Variants in MED27 observed in about 807,000 individuals in gnomAD.
MED27 encodes the protein mediator complex subunit 27.
In MED27, 30 loss-of-function variants were observed where a neutral mutation model predicts 38.2. That is an observed-to-expected ratio of 0.79 (90% CI 0.59 to 1.07). MED27 has a LOEUF of 1.07. MED27 is among the 50% of genes least tolerant of loss of function. The pLI is 0.00. For missense variants in MED27, 289 were observed against 397.5 expected, an observed-to-expected ratio of 0.73 and a Z score of 2.32; for synonymous variants, 122 against 153.5, an observed-to-expected ratio of 0.79 and a Z score of 1.52.
chr9:131,880,813 A>T (rs1839023007), intron 6 of MED27, among the ~76,000 whole-genome samples: 1 of 152,114 alleles, frequency 6.6e-6, no homozygotes, highest in African/African-American at 2.4e-5. Flanking sequence ...TGTCTTTCTA[A>T]ATCTATGCTT....
intron 2 of MED27, among the ~76,000 whole-genome samples, chr9:132,046,325 C>T (rs376766793): frequency 1.3e-5 from 2 of 151,900 alleles, no homozygotes; most frequent in East Asian, 1.9e-4. Flanking sequence ...ACAATTTTTT[C>T]TAATGCTCAC....
intron 4 of MED27, 44 bp downstream of exon 4, chr9:131,939,337 T>G: frequency 2.9e-6 from 4 of 1,382,110 alleles, no homozygotes; most frequent in Non-Finnish European, 4.0e-6. Flanking sequence ...GTGAAGTCCA[T>G]TTTTTCCCCC....
At chr9:131,869,556 A>G (rs1192496527) in intron 6 of MED27, among the ~76,000 whole-genome samples, 1 of 152,192 alleles carries the variant, frequency 6.6e-6, no homozygotes, top group Non-Finnish European at 1.5e-5. Flanking sequence ...AAGGAGAGGG[A>G]GGCGATTCAC....
At chr9:131,946,826 C>T (rs1296628479) in intron 3 of MED27, among the ~76,000 whole-genome samples, 7 of 152,228 alleles carry the variant, frequency 4.6e-5, no homozygotes, top group Non-Finnish European at 7.3e-5. Flanking sequence ...ATGCTTCCGT[C>T]TTTGAGTTTT....
At chr9:132,034,139 T>G (rs573784009) in intron 2 of MED27, among the ~76,000 whole-genome samples, 1 of 152,314 alleles carries the variant, frequency 6.6e-6, no homozygotes, top group East Asian at 1.9e-4. Context: ...AGAATGTGGC[T>G]TACTGCTCTC....
intron 2 of MED27, among the ~76,000 whole-genome samples, chr9:132,037,839 A>G (rs1833115120): frequency 6.6e-6 from 1 of 152,226 alleles, no homozygotes; most frequent in African/African-American, 2.4e-5. Context: ...GACACACAAC[A>G]TGTCCCGACC....
intron 4 of MED27, among the ~76,000 whole-genome samples, chr9:131,919,254 T>C (rs759719946): frequency 7.2e-5 from 11 of 152,178 alleles, no homozygotes; most frequent in Admixed American, 1.3e-4. Flanking sequence ...GATGGAAGCA[T>C]AGCACATATT....
At chr9:131,983,940 T>G (rs1389674964) in intron 3 of MED27, among the ~76,000 whole-genome samples, 2 of 152,150 alleles carry the variant, frequency 1.3e-5, no homozygotes, top group African/African-American at 4.8e-5. Flanking sequence ...CTCATGCAGC[T>G]CCAACTGATC....
chr9:131,903,141 C>T (rs1213382478), intron 4 of MED27, among the ~76,000 whole-genome samples: 2 of 152,156 alleles, frequency 1.3e-5, no homozygotes, highest in Non-Finnish European at 2.9e-5. Flanking sequence ...GGGCAATGTA[C>T]AAAAGAAAGA....
chr9:131,896,371 T>G (rs1024518568), intron 4 of MED27, among the ~76,000 whole-genome samples: 3 of 152,220 alleles, frequency 2.0e-5, no homozygotes, highest in Non-Finnish European at 4.4e-5. Flanking sequence ...AATTGTTTCC[T>G]GAAACATCAA....
At chr9:131,903,791 G>C (rs1220567587) in intron 4 of MED27, among the ~76,000 whole-genome samples, 1 of 151,996 alleles carries the variant, frequency 6.6e-6, no homozygotes, top group Non-Finnish European at 1.5e-5. Flanking sequence ...GCAGTAGCAT[G>C]ATCTCAGCTC....
At chr9:132,072,334 A>AT (rs557023144) in intron 2 of MED27, among the ~76,000 whole-genome samples, 1 of 152,046 alleles carries the variant, frequency 6.6e-6, no homozygotes, top group Non-Finnish European at 1.5e-5. Flanking sequence ...ACTCAAAAAG[A>AT]TTTTTTTCCC....
rs942659249 is a variant in MED27 at position 131,889,931 on chromosome 9, G to C, written c.681+3954C>G. Among the ~76,000 whole-genome samples, 1 of 152,190 alleles carries C rather than the reference G, an allele frequency of 6.6e-6. No individual in the cohort carries two copies. The highest frequency in any genetic ancestry group is 6.5e-5 in the Admixed American group (1 of 15,286). On this transcript the variant is annotated intron_variant, in intron 5 of 7. Coordinates refer to ENST00000292035, the MANE Select transcript of MED27 (RefSeq NM_004269.4). This position sits in a 1 kb window ranked among gnomAD's most constrained non-coding sequence, Gnocchi z 4.2. ...CTAGGCACCAACTCAGCAAACGCAG[G>C]CTGCGTCCCGGGAGCAGCGACGTCT...
intron 3 of MED27, among the ~76,000 whole-genome samples, chr9:131,998,199 A>T (rs1241353812): frequency 6.6e-6 from 1 of 152,010 alleles, no homozygotes; most frequent in East Asian, 1.9e-4. Flanking sequence ...GGGGAGAGCT[A>T]CGAACAGCAA....
At chr9:132,064,846 G>C (rs10115847) in intron 2 of MED27, among the ~76,000 whole-genome samples, 2,904 of 152,218 alleles carry the variant, frequency 0.019, 85 homozygotes, top group African/African-American at 0.066. Context: ...TGACAGGAAG[G>C]ACTGGTAAGC....
rs115744054 is a variant in MED27, at chr9:131,993,189, T to C, written c.479+21148A>G. Among the ~76,000 whole-genome samples the C allele has an allele frequency of 2.9e-3, 447 of 152,176 alleles. 1 individual carries two copies. Among genetic ancestry groups the C allele is most frequent in the African/African-American group, 1.0e-2 (414 of 41,524 alleles). On this transcript the variant is annotated intron_variant, in intron 3 of 7. Transcript: ENST00000292035. Reference sequence around the variant, plus strand: ...ACCACCGTGCCTTACCTAAATCTGCTGGATAAATAACACCATAGTTTAACA... The same window carrying C: ...ACCACCGTGCCTTACCTAAATCTGCCGGATAAATAACACCATAGTTTAACA...
rs529912210 is a variant in MED27, at chr9:131,962,248, T to C, written c.480-22774A>G. 4.6e-5 allele frequency among the ~76,000 whole-genome samples: 7 copies of C among 152,370 alleles called. No individual in the cohort carries two copies. The South Asian group carries it at 1.5e-3, about 32-fold the overall frequency. ...AAGTTTCCACTGTTATTTATGTATTTATTTTTGAGACGGGGTCTGACTCTG... is the reference window on the plus strand; with the variant it reads ...AAGTTTCCACTGTTATTTATGTATTCATTTTTGAGACGGGGTCTGACTCTG... On this transcript the variant is annotated intron_variant, in intron 3 of 7. Coordinates refer to ENST00000292035, the MANE Select transcript of MED27 (RefSeq NM_004269.4).
chr9:131,942,105 G>A (rs928795893), intron 3 of MED27, among the ~76,000 whole-genome samples: 2 of 152,024 alleles, frequency 1.3e-5, no homozygotes, highest in African/African-American at 4.8e-5. Flanking sequence ...GATTACAGGC[G>A]TGAACCACCG....
At chr9:132,056,463 C>A (rs1370595684) in intron 2 of MED27, among the ~76,000 whole-genome samples, 2 of 152,204 alleles carry the variant, frequency 1.3e-5, no homozygotes, top group East Asian at 1.9e-4. Context: ...ACAAGTTGAG[C>A]ATCCCAAATC....
Sources: gnomAD v4.1 joint callset for allele counts (sites outside exome capture counted in the v4.1 genomes callset) on GRCh38, gnomAD v4.1.1 for gene constraint, Gnocchi (gnomAD v3.1) non-coding constraint, MANE v1.5 for transcripts, NCBI Gene and HGNC (gene_info 2026-07-23, HGNC 2026-07-21) for gene names.